The following SOX5 variants were observed in gnomAD, a reference collection of about 807,000 sequenced individuals.
SOX5 encodes the protein transcription factor SOX-5.
A neutral mutation model predicts 92.0 loss-of-function variants in SOX5; 9 were observed. The observed-to-expected ratio is 0.10, with a 90% confidence interval of 0.06 to 0.17. The LOEUF (loss-of-function observed/expected upper bound fraction) is 0.17. Ranked by LOEUF, SOX5 falls within the 10% of genes least tolerant of loss-of-function variation. SOX5 has a pLI of 1.00. For synonymous variants in SOX5, 344 were observed against 336.3 expected (o/e 1.02, Z -0.25); for missense variants, 642 against 944.5 (o/e 0.68, Z 4.20).
At chr12:24,449,515 C>T (rs1292469220) in intron 1 of SOX5, among the ~76,000 whole-genome samples, 5 of 152,210 alleles carry the variant, frequency 3.3e-5, no homozygotes, top group African/African-American at 1.2e-4. Flanking sequence ...GCAGTTACCG[C>T]TCGTTGACAT....
chr12:23,809,740 C>T (rs1361101949), intron 3 of SOX5, among the ~76,000 whole-genome samples: 2 of 142,378 alleles, frequency 1.4e-5, no homozygotes, highest in Non-Finnish European at 3.0e-5. Context: ...CAGATGGTTA[C>T]ATCAGTGACA....
At position 24,287,593 on chromosome 12, in the gene SOX5, T is replaced by A. The variant is rs12814252; in HGVS notation, c.-173-10281A>T. Among the ~76,000 whole-genome samples, 14 of 8,424 alleles carry A rather than the reference T, an allele frequency of 1.7e-3. No individual in the cohort carries two copies. In the South Asian group the frequency reaches 0.077, roughly 46 times the overall value. The allele number at this position is 8,424 out of a possible 152,430, so 5.5% of individuals were successfully genotyped here. ...CTTAAAAACAGTGATTCTCAAATCC[T>A]TTTTTTTTTTTTTTTTTTTTTTTTG... On this transcript the variant is annotated intron_variant, in intron 2 of 4. Transcript: ENST00000446891.
At chr12:24,077,411 A>G (rs953247370) in intron 4 of SOX5, among the ~76,000 whole-genome samples, 1 of 152,066 alleles carries the variant, frequency 6.6e-6, no homozygotes, top group Admixed American at 6.6e-5. Flanking sequence ...TCTTTAATAC[A>G]TTATATTGGG....
intron 11 of SOX5, among the ~76,000 whole-genome samples, chr12:23,552,648 GATT>G (rs1944425730): frequency 6.6e-6 from 1 of 151,932 alleles, no homozygotes; most frequent in Non-Finnish European, 1.5e-5. Context: ...ACTGATCAAA[GATT>G]GTAAGTTATC....
intron 6 of SOX5, among the ~76,000 whole-genome samples, chr12:23,714,239 A>G (rs2092313641): frequency 6.6e-6 from 1 of 152,232 alleles, no homozygotes; most frequent in Non-Finnish European, 1.5e-5. Flanking sequence ...TTTATCTTCT[A>G]AATACTAATG....
chr12:24,434,882 G>C, intron 1 of SOX5, among the ~76,000 whole-genome samples: 1 of 152,092 alleles, frequency 6.6e-6, no homozygotes. Context: ...CCCTGTCTTG[G>C]GTATTTCTTT....
At chr12:23,661,023 T>C (rs943960071) in intron 7 of SOX5, among the ~76,000 whole-genome samples, 4 of 152,196 alleles carry the variant, frequency 2.6e-5, no homozygotes, top group African/African-American at 9.6e-5. Flanking sequence ...AAAATGTTCT[T>C]GGTAAATATT....
chr12:24,455,154 C>A (rs759124237), intron 1 of SOX5, among the ~76,000 whole-genome samples: 11 of 152,174 alleles, frequency 7.2e-5, no homozygotes, highest in Admixed American at 1.3e-4. Context: ...AAAATACCTT[C>A]CCTGCAGGGT....
At chr12:23,727,983 GA>G (rs2093228584) in intron 6 of SOX5, among the ~76,000 whole-genome samples, 1 of 152,136 alleles carries the variant, frequency 6.6e-6, no homozygotes. Flanking sequence ...TAAGAAGAAT[GA>G]GTGGATTTCT....
intron 1 of SOX5, among the ~76,000 whole-genome samples, chr12:23,932,438 T>A (rs1941650667): frequency 6.6e-6 from 1 of 151,666 alleles, no homozygotes; most frequent in Non-Finnish European, 1.5e-5. Flanking sequence ...AATGTGAATA[T>A]GAACTGTATG....
chr12:23,999,140 C>CTGTGTGTGTGTGTGTGTGTGTG (rs1384723605), intron 4 of SOX5, among the ~76,000 whole-genome samples: 1 of 141,306 alleles, frequency 7.1e-6, no homozygotes, highest in Non-Finnish European at 1.5e-5. Context: ...AAAAAAGACT[C>CTGTGTGTGTGTGTGTGTGTGTG]TGTGTGTGTG....
chr12:23,743,672 G>A (rs775772140), intron 4 of SOX5, among the ~76,000 whole-genome samples: 21 of 152,072 alleles, frequency 1.4e-4, no homozygotes, highest in African/African-American at 2.7e-4. Flanking sequence ...CTCAACATGC[G>A]GAAGTATAAG....
At chr12:23,815,745 A>T (rs2095978268) in intron 3 of SOX5, among the ~76,000 whole-genome samples, 1 of 152,170 alleles carries the variant, frequency 6.6e-6, no homozygotes, top group Non-Finnish European at 1.5e-5. Flanking sequence ...CTGGTCGGAG[A>T]TAGCTTATTC....
chr12:23,685,223 T>C lies in SOX5; in HGVS notation c.811-19659A>G, dbSNP rs550482772. Among the ~76,000 whole-genome samples the C allele has an allele frequency of 1.1e-4, 17 of 152,240 alleles. No homozygotes were observed. In the South Asian group the frequency reaches 3.5e-3, roughly 32 times the overall value. The stretch of plus-strand genomic sequence containing the variant: ...GTTTTTTTCTTCTACTCCCTTTCTT[T>C]GTTTTCTTCTGTTTCTTCTTTCTAT... On this transcript the variant is annotated intron_variant, in intron 6 of 14. Transcript: ENST00000451604.
At chr12:24,012,824 G>A (rs1341105611) in intron 4 of SOX5, among the ~76,000 whole-genome samples, 2 of 152,126 alleles carry the variant, frequency 1.3e-5, no homozygotes, top group Non-Finnish European at 1.5e-5. Context: ...AATCAGTGTT[G>A]AAGACAAGAG....
At chr12:24,401,880 G>C (rs1319362020) in intron 1 of SOX5, among the ~76,000 whole-genome samples, 1 of 152,044 alleles carries the variant, frequency 6.6e-6, no homozygotes, top group Admixed American at 6.6e-5. Flanking sequence ...CTGCAAAACT[G>C]TTTTAGCCTC....
At position 23,651,225 on chromosome 12, in the gene SOX5, T is replaced by TAC. The variant is rs2081521796; in HGVS notation, c.932-10330_932-10329dup. On this transcript the variant is annotated intron_variant, in intron 7 of 14. Transcript: ENST00000451604. ...TCTTACATATACATATACACATATA[T>TAC]ACATATATACATATATGTAAATGTA... 5.9e-5 allele frequency among the ~76,000 whole-genome samples: 9 copies of TAC among 152,102 alleles called. No homozygotes were observed. In the South Asian group the frequency reaches 1.9e-3, roughly 32 times the overall value.
chr12:23,737,186 T>A (rs2093632456), intron 5 of SOX5, among the ~76,000 whole-genome samples: 1 of 152,184 alleles, frequency 6.6e-6, no homozygotes, highest in Non-Finnish European at 1.5e-5. Flanking sequence ...GTTCACCGTG[T>A]CTCTCATCTG....
At chr12:23,562,748 C>T (rs1290553275) in intron 11 of SOX5, among the ~76,000 whole-genome samples, 2 of 152,116 alleles carry the variant, frequency 1.3e-5, no homozygotes, top group African/African-American at 4.8e-5. Flanking sequence ...TTAATAAGTA[C>T]ATTTTGTTTT....
Sources: gnomAD v4.1 joint callset for allele counts (sites outside exome capture counted in the v4.1 genomes callset) on GRCh38, gnomAD v4.1.1 for gene constraint, MANE v1.5 for transcripts, NCBI Gene and HGNC (gene_info 2026-07-23, HGNC 2026-07-21) for gene names.